Variants in MARK1 observed in about 807,000 individuals in gnomAD.
MARK1 encodes serine/threonine-protein kinase MARK1.
MARK1 carries 40 observed loss-of-function variants against 96.3 expected under a neutral mutation model. That is an observed-to-expected ratio of 0.42 (90% CI 0.32 to 0.54). The LOEUF is 0.54. Ranked by LOEUF, MARK1 falls within the 20% of genes least tolerant of loss-of-function variation. The probability of loss-of-function intolerance (pLI) is 0.16; values close to 1 mark genes in which losing one functional copy is unlikely to be tolerated. For synonymous variants in MARK1, 317 were observed against 341.2 expected (o/e 0.93, Z 0.78); for missense variants, 719 against 984.6 (o/e 0.73, Z 3.61).
In MARK1 at chr1:220,542,232, A is replaced by G. The variant is rs572800143; in HGVS notation, c.51+13359A>G. On this transcript the variant is annotated intron_variant, in intron 1 of 17. Coordinates refer to ENST00000366917, the MANE Select transcript of MARK1 (RefSeq NM_018650.5). ...TTGCTTATTTTATGATTTCATCTTCATTTCCTTGAACATTTAATATATAGT... is the reference window on the plus strand; with the variant it reads ...TTGCTTATTTTATGATTTCATCTTCGTTTCCTTGAACATTTAATATATAGT... Among the ~76,000 whole-genome samples, 4 of 152,218 alleles carry G rather than the reference A, an allele frequency of 2.6e-5. No homozygotes were observed. In the East Asian group the frequency reaches 5.8e-4, roughly 22 times the overall value.
chr1:220,620,860 C>A (rs1430784252), intron 9 of MARK1, among the ~76,000 whole-genome samples: 1 of 152,056 alleles, frequency 6.6e-6, no homozygotes, highest in Non-Finnish European at 1.5e-5. Flanking sequence ...ATTTGCTTCA[C>A]AGTTCCCAGA....
intron 1 of MARK1, among the ~76,000 whole-genome samples, chr1:220,567,829 G>A (rs2102798797): frequency 6.6e-6 from 1 of 152,258 alleles, no homozygotes; most frequent in African/African-American, 2.4e-5. Flanking sequence ...TAGTGGCATA[G>A]GCACTATTTG....
intron 6 of MARK1, among the ~76,000 whole-genome samples, chr1:220,615,431 T>A (rs2102960557): frequency 6.6e-6 from 1 of 152,308 alleles, no homozygotes; most frequent in East Asian, 1.9e-4. Flanking sequence ...TATGAACAGA[T>A]AAATATAGAT....
chr1:220,532,573 A>G (rs1660388775), intron 1 of MARK1, among the ~76,000 whole-genome samples: 1 of 152,220 alleles, frequency 6.6e-6, no homozygotes, highest in African/African-American at 2.4e-5. Flanking sequence ...TGAAGCCTTC[A>G]GAGAGAAAAT....
chr1:220,556,015 A>G (rs969551959), intron 1 of MARK1, among the ~76,000 whole-genome samples: 3 of 152,242 alleles, frequency 2.0e-5, no homozygotes, highest in African/African-American at 7.2e-5. Context: ...ATGAAGAGAA[A>G]TCAAAGCCAG....
At chr1:220,591,278 T>C (rs923382169) in intron 3 of MARK1, among the ~76,000 whole-genome samples, 1 of 152,238 alleles carries the variant, frequency 6.6e-6, no homozygotes, top group Non-Finnish European at 1.5e-5. Context: ...TTTAGATTAG[T>C]TGTTCTGAAA....
At chr1:220,608,544 G>T (rs1213172822) in intron 6 of MARK1, among the ~76,000 whole-genome samples, 2 of 151,924 alleles carry the variant, frequency 1.3e-5, no homozygotes, top group African/African-American at 4.8e-5. Flanking sequence ...GTTTTTTTAT[G>T]TCTCAATCTC....
chr1:220,655,740 A>G (rs1301973076), intron 16 of MARK1, among the ~76,000 whole-genome samples: 1 of 152,128 alleles, frequency 6.6e-6, no homozygotes, highest in Non-Finnish European at 1.5e-5. Context: ...CAGCAGTGTC[A>G]TGTCAAGTCT....
At chr1:220,608,890 T>C (rs1362370833) in intron 6 of MARK1, among the ~76,000 whole-genome samples, 1 of 152,226 alleles carries the variant, frequency 6.6e-6, no homozygotes, top group Admixed American at 6.5e-5. Flanking sequence ...TAATCCTGAG[T>C]TCTAATTTGA....
At chr1:220,637,163 GA>G (rs1367251914) in intron 13 of MARK1, among the ~76,000 whole-genome samples, 1 of 152,176 alleles carries the variant, frequency 6.6e-6, no homozygotes, top group Non-Finnish European at 1.5e-5. Flanking sequence ...TACGGGAAGA[GA>G]AATGAATCTA....
Position 220,598,338 on chromosome 1 carries a change from G to T in MARK1, c.317G>T (p.Arg106Leu). The change falls in exon 4 of 18, where the codon CGA (arginine) becomes CTA (leucine). Residue 106 changes from arginine to leucine, a missense_variant. Around this residue, in one of 4 missense-constraint regions of MARK1, gnomAD observed 105 missense variants for 133.4 expected, o/e 0.79. Coordinates refer to ENST00000366917, the MANE Select transcript of MARK1 (RefSeq NM_018650.5). ...LNPTSLQKLF[R>L]EVRIMKILNH... ...ACCTGTTTTCTTTAACAGTTATTTCGAGAAGTACGAATAATGAAGATACTG... is the reference window on the plus strand; with the variant it reads ...ACCTGTTTTCTTTAACAGTTATTTCTAGAAGTACGAATAATGAAGATACTG... The T allele has an allele frequency of 3.2e-6, 2 of 615,538 alleles. No individual in the cohort carries two copies. Among genetic ancestry groups the T allele is most frequent in the Non-Finnish European group, 2.8e-6 (1 of 359,306 alleles). The allele number at this position is 615,538 out of a possible 1,614,324, so 38.1% of individuals were successfully genotyped here.
At chr1:220,573,843 TTGTAGTATATA>T (rs1663654062) in intron 1 of MARK1, among the ~76,000 whole-genome samples, 3 of 151,876 alleles carry the variant, frequency 2.0e-5, no homozygotes, top group Non-Finnish European at 4.4e-5. Context: ...GTAGTATATA[TTGTAGTATATA>T]TGTAGTATAT....
At position 220,609,383 on chromosome 1, in the gene MARK1, T is replaced by C. The variant is rs535448169; in HGVS notation, c.495+5246T>C. ...CAGAGACTAGGATTGCAACCCCTGC[T>C]TTTTTTTGTTTTCCATTTGCTTGGT... is the stretch of plus-strand genomic sequence containing the variant. On this transcript the variant is annotated intron_variant, in intron 6 of 17. Coordinates refer to ENST00000366917, the MANE Select transcript of MARK1 (RefSeq NM_018650.5). Among the ~76,000 whole-genome samples the C allele has an allele frequency of 8.3e-4, 127 of 152,118 alleles. 4 individuals are homozygous for C. In the South Asian group the frequency reaches 0.025, roughly 30 times the overall value.
chr1:220,598,134 G>A (rs992076087), intron 3 of MARK1, among the ~76,000 whole-genome samples, 197 bp from the exon 4 acceptor site: 10 of 152,058 alleles, frequency 6.6e-5, no homozygotes, highest in African/African-American at 1.4e-4. Flanking sequence ...AAGTCACAGC[G>A]AAGTTAATGT....
intron 1 of MARK1, among the ~76,000 whole-genome samples, chr1:220,544,386 G>C (rs1470299318): frequency 6.6e-6 from 1 of 152,172 alleles, no homozygotes; most frequent in Non-Finnish European, 1.5e-5. Context: ...CTCAGTAGCA[G>C]GTTAGTTATC....
rs1353503536 is a variant in MARK1, at chr1:220,636,090, A to G, written c.1470+64A>G. ...AACTTGTTTTAGGGTTATGTGTAAA[A>G]TTTTTATCTTTCATTTTTTTAAATG... is the stretch of plus-strand genomic sequence containing the variant. On this transcript the variant is annotated intron_variant, in intron 13 of 17. Coordinates refer to ENST00000366917, the MANE Select transcript of MARK1 (RefSeq NM_018650.5). 4.3e-6 allele frequency: 5 copies of G among 1,175,220 alleles called. No homozygotes were observed. The African/African-American group carries it at 4.8e-5, about 11-fold the overall frequency. The allele number at this position is 1,175,220 out of a possible 1,614,324, so 72.8% of individuals were successfully genotyped here.
At chr1:220,540,081 T>TG (rs1253763474) in intron 1 of MARK1, among the ~76,000 whole-genome samples, 1 of 152,168 alleles carries the variant, frequency 6.6e-6, no homozygotes, top group African/African-American at 2.4e-5. Flanking sequence ...GATGTTCTAT[T>TG]TTTTCATAAC....
intron 15 of MARK1, among the ~76,000 whole-genome samples, chr1:220,652,463 G>T (rs778950036): frequency 2.6e-5 from 4 of 151,936 alleles, no homozygotes; most frequent in Admixed American, 1.3e-4. Context: ...TAAACCATAC[G>T]AACAAACACT....
At chr1:220,537,953 ATTTG>A (rs1300774898) in intron 1 of MARK1, among the ~76,000 whole-genome samples, 6 of 151,950 alleles carry the variant, frequency 3.9e-5, no homozygotes, top group African/African-American at 1.4e-4. Flanking sequence ...TTTCTTGTAA[ATTTG>A]TTTGAGTTCA....
Sources: gnomAD v4.1 joint callset for allele counts (sites outside exome capture counted in the v4.1 genomes callset) on GRCh38, gnomAD v4.1.1 for gene constraint, gnomAD v4.1.1 regional missense constraint, MANE v1.5 for transcripts, NCBI Gene and HGNC (gene_info 2026-07-23, HGNC 2026-07-21) for gene names.